Variants in STRADB observed in about 807,000 individuals in gnomAD.
The protein encoded by STRADB is STE20 related adaptor beta.
Under a neutral mutation model 52.1 loss-of-function variants are expected in STRADB, and 34 were observed. The observed-to-expected ratio is 0.65, with a 90% CI of 0.50 to 0.87. The LOEUF (loss-of-function observed/expected upper bound fraction) is 0.87, where lower values mean the gene tolerates loss of function less well. Among genes scored for constraint, STRADB ranks in the 40% least tolerant of loss-of-function variants. The pLI is 0.00. For synonymous variants in STRADB, 133 were observed against 174.5 expected (o/e 0.76, Z 1.87); for missense variants, 340 against 483.9 (o/e 0.70, Z 2.79).
Position 201,454,851 on chromosome 2 carries a change from T to C in STRADB, c.11T>C (p.Leu4Ser). The C allele has an allele frequency of 6.2e-7, 1 of 1,608,750 alleles. No individual in the cohort carries two copies. Among genetic ancestry groups the C allele is most frequent in the Non-Finnish European group, 8.5e-7 (1 of 1,177,694 alleles). MSL[L>S]DCFCTSRTQV... ...AACTAAAGTGATTCAATGTCTCTTT[T>C]GGTAAGTTTTTGTAAATATAGATCT... The change falls in exon 2 of 12, where the codon TTG becomes TCG. Residue 4 changes from leucine (L) to serine (S), a missense_variant and splice_region_variant. Physicochemically the swap from Leu to Ser is moderately radical, Grantham distance 145. Coordinates refer to ENST00000194530, the MANE Select transcript of STRADB (RefSeq NM_018571.6).
At chr2:201,453,196 GTC>G (rs1462658185) in intron 1 of STRADB, among the ~76,000 whole-genome samples, 2 of 152,072 alleles carry the variant, frequency 1.3e-5, no homozygotes, top group Non-Finnish European at 2.9e-5. Flanking sequence ...ACCAGATTGT[GTC>G]TGTTTCTTCT....
intron 3 of STRADB, among the ~76,000 whole-genome samples, chr2:201,464,724 G>A (rs1952271681): frequency 1.3e-5 from 2 of 152,152 alleles, no homozygotes; most frequent in Admixed American, 1.3e-4. Flanking sequence ...TGCCTTCTGG[G>A]AGCCAGGGCC....
At chr2:201,457,134 A>T (rs937231539) in intron 2 of STRADB, among the ~76,000 whole-genome samples, 2 of 152,240 alleles carry the variant, frequency 1.3e-5, no homozygotes, top group African/African-American at 4.8e-5. Context: ...GTTCCCAGAT[A>T]CTAGCCAAGG....
chr2:201,461,582 A>G (rs1051912948), intron 3 of STRADB, among the ~76,000 whole-genome samples: 1 of 152,218 alleles, frequency 6.6e-6, no homozygotes, highest in African/African-American at 2.4e-5. Flanking sequence ...TATTCTGGTT[A>G]TTAATCCCTT....
intron 3 of STRADB, among the ~76,000 whole-genome samples, chr2:201,462,330 T>C (rs1263309500): frequency 6.6e-6 from 1 of 152,196 alleles, no homozygotes; most frequent in African/African-American, 2.4e-5. Context: ...AGGCAACAGA[T>C]AATTGAATCT....
intron 1 of STRADB, among the ~76,000 whole-genome samples, 195 bp from the exon 2 acceptor site, chr2:201,454,551 A>G (rs956404978): frequency 1.3e-5 from 2 of 152,228 alleles, no homozygotes; most frequent in African/African-American, 4.8e-5. Flanking sequence ...GTGATGTCAG[A>G]TCACAAATAA....
At chr2:201,468,591 A>G (rs1952341856) in intron 3 of STRADB, among the ~76,000 whole-genome samples, 1 of 152,312 alleles carries the variant, frequency 6.6e-6, no homozygotes, top group South Asian at 2.1e-4. Context: ...TATTTACAAC[A>G]TGTGTCCCTT....
chr2:201,466,012 G>A lies in STRADB; in HGVS notation c.94-3941G>A, dbSNP rs117251643. Reference sequence around the variant, plus strand: ...TGCTCAGTGCCTCTTTCAGTGATAGGAAGTTAAAAACAGGTACTGTGATAG... The same window carrying A: ...TGCTCAGTGCCTCTTTCAGTGATAGAAAGTTAAAAACAGGTACTGTGATAG... On this transcript the variant is annotated intron_variant, in intron 3 of 11. Transcript: ENST00000194530. 1.4e-4 allele frequency among the ~76,000 whole-genome samples: 22 copies of A among 152,322 alleles called. No homozygotes were observed. The East Asian group carries it at 3.9e-3, about 27-fold the overall frequency.
chr2:201,467,773 A>G (rs1243771000), intron 3 of STRADB, among the ~76,000 whole-genome samples: 4 of 152,098 alleles, frequency 2.6e-5, no homozygotes, highest in African/African-American at 9.7e-5. Context: ...GTGGTGTCTC[A>G]ATTATCCATG....
At chr2:201,458,737 AT>A (rs1459773446) in intron 2 of STRADB, 46 bp from the exon 3 acceptor site, 1 of 1,566,942 alleles carries the variant, frequency 6.4e-7, no homozygotes, top group East Asian at 2.3e-5. Context: ...ACCCCTGCTT[AT>A]CCTGTAACTT....
At chr2:201,474,539 G>C in intron 5 of STRADB, 108 bp from the exon 6 acceptor site, 1 of 803,830 alleles carries the variant, frequency 1.2e-6, no homozygotes, top group Non-Finnish European at 2.0e-6. Context: ...TAAGAACAGT[G>C]CTTTCACTAA....
chr2:201,458,281 G>C, intron 2 of STRADB, among the ~76,000 whole-genome samples: 1 of 152,086 alleles, frequency 6.6e-6, no homozygotes, highest in East Asian at 1.9e-4. Context: ...CTTTTAATTT[G>C]CTTTGAGTTA....
At chr2:201,454,608 T>A (rs1000237405) in intron 1 of STRADB, 138 bp from the exon 2 acceptor site, 3 of 388,744 alleles carry the variant, frequency 7.7e-6, no homozygotes, top group Admixed American at 4.4e-5. Flanking sequence ...TTCAGGAATG[T>A]CTCCTTGTGT....
chr2:201,466,022 A>G (rs993921195), intron 3 of STRADB, among the ~76,000 whole-genome samples: 4 of 152,174 alleles, frequency 2.6e-5, no homozygotes, highest in Non-Finnish European at 5.9e-5. Context: ...GAAGTTAAAA[A>G]CAGGTACTGT....
intron 8 of STRADB, 129 bp downstream of exon 8, chr2:201,477,919 C>A: frequency 1.6e-6 from 2 of 1,276,966 alleles, no homozygotes; most frequent in Non-Finnish European, 2.2e-6. Flanking sequence ...TCTTTCTTGT[C>A]AAAATTATGT....
intron 3 of STRADB, among the ~76,000 whole-genome samples, chr2:201,459,960 C>T (rs1952188757): frequency 6.6e-6 from 1 of 152,054 alleles, no homozygotes; most frequent in Non-Finnish European, 1.5e-5. Flanking sequence ...GGTTCTGCTC[C>T]CGTGTATCTT....
chr2:201,465,760 G>A (rs759306989), intron 3 of STRADB, among the ~76,000 whole-genome samples: 8 of 152,230 alleles, frequency 5.3e-5, no homozygotes, highest in Non-Finnish European at 7.3e-5. Flanking sequence ...TGGCAGACAA[G>A]GCTTGCTGGA....
chr2:201,474,516 T>C (rs1445203489), intron 5 of STRADB, 131 bp from the exon 6 acceptor site: 9 of 638,258 alleles, frequency 1.4e-5, no homozygotes, highest in Non-Finnish European at 2.4e-5. Context: ...GAGATTTAAA[T>C]AGATAAAAGC....
chr2:201,467,992 G>T (rs1952329255), intron 3 of STRADB, among the ~76,000 whole-genome samples: 1 of 145,522 alleles, frequency 6.9e-6, no homozygotes, highest in African/African-American at 2.5e-5. Context: ...TAACTTAAGT[G>T]TAAGGTTTTG....
Sources: gnomAD v4.1 joint callset for allele counts (sites outside exome capture counted in the v4.1 genomes callset) on GRCh38, gnomAD v4.1.1 for gene constraint, MANE v1.5 for transcripts, NCBI Gene and HGNC (gene_info 2026-07-23, HGNC 2026-07-21) for gene names.